The following IL7 variants were observed in gnomAD, a reference collection of about 807,000 sequenced individuals.
The protein encoded by IL7 is interleukin-7.
In IL7, 3 loss-of-function variants were observed where a neutral mutation model predicts 21.6. That is an observed-to-expected ratio of 0.14 (90% confidence interval 0.06 to 0.36). The LOEUF (loss-of-function observed/expected upper bound fraction) is 0.36. Ranked by LOEUF, IL7 falls within the 10% of genes least tolerant of loss-of-function variation. The pLI, the probability that IL7 is intolerant of heterozygous loss-of-function variation, is 1.00. For missense variants in IL7, 175 were observed against 200.2 expected (o/e 0.87, Z 0.76); for synonymous variants, 62 against 68.1 (o/e 0.91, Z 0.44).
chr8:78,796,278 A>G (rs1283672400), intron 2 of IL7, among the ~76,000 whole-genome samples: 1 of 152,062 alleles, frequency 6.6e-6, no homozygotes, highest in African/African-American at 2.4e-5. Context: ...TGTACCAGCA[A>G]TAAACAACTA....
intron 5 of IL7, among the ~76,000 whole-genome samples, chr8:78,719,979 T>C (rs1203000320): frequency 5.9e-5 from 9 of 151,836 alleles, no homozygotes; most frequent in Non-Finnish European, 1.2e-4. Context: ...ATGTTTTTGT[T>C]ACAAGTTTTT....
chr8:78,748,556 A>G (rs138302310), intron 2 of IL7, among the ~76,000 whole-genome samples: 5 of 152,348 alleles, frequency 3.3e-5, no homozygotes, highest in African/African-American at 7.2e-5. Flanking sequence ...TTCAAAAATT[A>G]TAAGCCTAAC....
chr8:78,784,853 A>G (rs980390846), intron 2 of IL7, among the ~76,000 whole-genome samples: 8 of 152,066 alleles, frequency 5.3e-5, no homozygotes, highest in Non-Finnish European at 1.2e-4. Context: ...TGGATTTTAT[A>G]TCCAGTAGCT....
intron 2 of IL7, among the ~76,000 whole-genome samples, chr8:78,782,709 G>A (rs1563434056): frequency 6.6e-6 from 1 of 152,106 alleles, no homozygotes; most frequent in Non-Finnish European, 1.5e-5. Context: ...CAGGATCAAA[G>A]ACCCACTTAA....
intron 3 of IL7, among the ~76,000 whole-genome samples, chr8:78,703,534 TTC>T (rs1810674226): frequency 2.4e-5 from 2 of 81,826 alleles, no homozygotes; most frequent in South Asian, 4.8e-4. Context: ...TGTAATACCC[TTC>T]TTTTTTTTTT....
intron 2 of IL7, among the ~76,000 whole-genome samples, chr8:78,751,413 G>A (rs1812168409): frequency 6.6e-6 from 1 of 152,188 alleles, no homozygotes; most frequent in Non-Finnish European, 1.5e-5. Context: ...GCCTTCAAAA[G>A]TGAAGGAGGA....
At chr8:78,773,167 G>A (rs1442618195) in intron 2 of IL7, among the ~76,000 whole-genome samples, 2 of 152,028 alleles carry the variant, frequency 1.3e-5, no homozygotes, top group African/African-American at 4.8e-5. Flanking sequence ...GTCCTGGATA[G>A]GACACCCTCG....
chr8:78,678,016 C>T (rs148209223), intron 4 of IL7, among the ~76,000 whole-genome samples: 105 of 152,156 alleles, frequency 6.9e-4, no homozygotes, highest in African/African-American at 2.3e-3. Flanking sequence ...ACTGTCATGG[C>T]GCTGGTGGGA....
downstream of IL7, among the ~76,000 whole-genome samples, chr8:78,675,120 T>A (rs976806194): frequency 6.6e-6 from 1 of 151,666 alleles, no homozygotes; most frequent in African/African-American, 2.4e-5. Flanking sequence ...TTCAGTTACA[T>A]GATAGTTATA....
intron 2 of IL7, chr8:78,762,173 A>G (rs1586079959): frequency 6.3e-7 from 1 of 1,592,404 alleles, no homozygotes; most frequent in East Asian, 2.2e-5. Flanking sequence ...AAGATCAAAT[A>G]TTGTTGGTAT....
rs1382794003 is a variant in IL7, at chr8:78,761,190, T to C, written c.148-21108A>G. 6 of 1,592,886 alleles carry C rather than the reference T, an allele frequency of 3.8e-6. No homozygotes were observed. In the African/African-American group the frequency reaches 6.8e-5, roughly 18 times the overall value. ...TCCTTCAGTTCTTTACCCCTTTCTTTACTGTTCTGAAAAAGAACAGAAATT... is the reference window on the plus strand; with the variant it reads ...TCCTTCAGTTCTTTACCCCTTTCTTCACTGTTCTGAAAAAGAACAGAAATT... On this transcript the variant is annotated intron_variant, in intron 2 of 5. Coordinates refer to ENST00000263851, the MANE Select transcript of IL7 (RefSeq NM_000880.4).
chr8:78,794,124 C>T (rs1813780718), intron 2 of IL7, among the ~76,000 whole-genome samples: 1 of 152,112 alleles, frequency 6.6e-6, no homozygotes, highest in Non-Finnish European at 1.5e-5. Context: ...TTCTTCCGAA[C>T]TCCTGTTAAT....
chr8:78,700,238 T>C (rs13280202), intron 3 of IL7, among the ~76,000 whole-genome samples: 98,613 of 152,108 alleles, frequency 0.65, 33,829 homozygotes, highest in East Asian at 0.9. Context: ...CTTTTTTTCA[T>C]ATGACAGTTG....
intron 5 of IL7, among the ~76,000 whole-genome samples, chr8:78,735,164 G>A (rs1010745568): frequency 1.3e-5 from 2 of 150,778 alleles, no homozygotes; most frequent in Admixed American, 1.3e-4. Context: ...ATACAGATGT[G>A]AAAATTTCAT....
chr8:78,718,172 A>C (rs1194624599), intron 6 of IL7: 1 of 152,030 alleles, frequency 6.6e-6, no homozygotes, highest in Non-Finnish European at 1.5e-5. Flanking sequence ...TGTTCTATTT[A>C]TAACTGATTT....
chr8:78,768,950 T>C (rs927197668), intron 2 of IL7, among the ~76,000 whole-genome samples: 2 of 152,130 alleles, frequency 1.3e-5, no homozygotes, highest in African/African-American at 4.8e-5. Context: ...ATTATCTCAA[T>C]AGATGCAGAA....
At chr8:78,697,443 G>C in intron 3 of IL7, 11 of 1,608,426 alleles carry the variant, frequency 6.8e-6, no homozygotes, top group East Asian at 2.2e-5. Context: ...AAATTCTCCT[G>C]GAACTGCATC....
intron 3 of IL7, chr8:78,689,296 G>C (rs1485869868): frequency 6.2e-7 from 1 of 1,603,040 alleles, no homozygotes; most frequent in Admixed American, 1.7e-5. Context: ...TTTCTGTAAA[G>C]AACAGGCAGC....
chr8:78,794,947 T>C (rs1031995924), intron 2 of IL7, among the ~76,000 whole-genome samples: 1 of 152,088 alleles, frequency 6.6e-6, no homozygotes, highest in South Asian at 2.1e-4. Context: ...CTTGTACATA[T>C]CAGGCCCTAA....
Sources: allele counts gnomAD v4.1 joint callset (sites outside exome capture counted in the v4.1 genomes callset), GRCh38; gene constraint gnomAD v4.1.1; transcripts MANE v1.5; gene names NCBI Gene and HGNC (gene_info 2026-07-23, HGNC 2026-07-21).